MYT1: variants seen among roughly 807,000 people sequenced by gnomAD.
MYT1 encodes myelin transcription factor 1.
Under a neutral mutation model 123.0 loss-of-function variants are expected in MYT1, and 23 were observed. That is an observed-to-expected ratio of 0.19 (90% CI 0.13 to 0.26). The LOEUF (loss-of-function observed/expected upper bound fraction) is 0.26. MYT1 is among the 10% of genes least tolerant of loss of function. The pLI is 1.00. For synonymous variants in MYT1, 518 were observed against 575.3 expected (o/e 0.90, Z 1.43); for missense variants, 1,125 against 1,472.5 (o/e 0.76, Z 3.86).
At chr20:64,194,471 C>T (rs773919907) in intron 2 of MYT1, among the ~76,000 whole-genome samples, 2 of 152,238 alleles carry the variant, frequency 1.3e-5, no homozygotes, top group Non-Finnish European at 2.9e-5. Context: ...TGGTGCCCCT[C>T]AGGGCCAGAA....
In MYT1 at chr20:64,192,082, C is replaced by A. The variant is rs979146956; in HGVS notation, c.-1+1922C>A. 6.6e-6 allele frequency among the ~76,000 whole-genome samples: 1 copy of A among 152,134 alleles called. No homozygotes were observed. Among genetic ancestry groups the A allele is most frequent in the Non-Finnish European group, 1.5e-5 (1 of 68,030 alleles). On this transcript the variant is annotated intron_variant, in intron 2 of 22. Coordinates refer to ENST00000328439, the MANE Select transcript of MYT1 (RefSeq NM_004535.3). This position sits in a 1 kb window ranked among gnomAD's most constrained non-coding sequence, Gnocchi z 5.3. ...GACTTTTGTCTCCCCCTGGCCCAGA[C>A]ATGACAAACTCAGAGAGTTTGGGAC...
chr20:64,169,786 GC>G (rs1165731282), intron 1 of MYT1, among the ~76,000 whole-genome samples: 12 of 152,180 alleles, frequency 7.9e-5, no homozygotes, highest in African/African-American at 2.9e-4. Flanking sequence ...GTCGTAAGGG[GC>G]AGAGAAACAC....
chr20:64,200,019 A>G (rs1983246289), intron 4 of MYT1, 97 bp downstream of exon 4: 5 of 1,437,846 alleles, frequency 3.5e-6, no homozygotes, highest in Non-Finnish European at 4.9e-6. Context: ...TGGATTGACC[A>G]AACACCCCTG....
At chr20:64,234,065 C>T (rs1984424002) in intron 19 of MYT1, among the ~76,000 whole-genome samples, 1 of 152,222 alleles carries the variant, frequency 6.6e-6, no homozygotes, top group Non-Finnish European at 1.5e-5. Flanking sequence ...GAGACTACTG[C>T]AGCCGGGGTC....
At position 64,222,016 on chromosome 20, in the gene MYT1, C is replaced by A; in HGVS notation, c.2365C>A (p.Leu789Ile). 3.1e-6 allele frequency: 5 copies of A among 1,613,200 alleles called. No individual in the cohort carries two copies. The highest frequency in any genetic ancestry group is 4.2e-6 in the Non-Finnish European group (5 of 1,180,010). Residue 789 changes from leucine (L) to isoleucine (I), a missense_variant, in exon 14 of 23, where the codon CTC (leucine) becomes ATC (isoleucine). This residue lies in a region of MYT1 where 429 missense variants were observed against 604.1 expected (regional missense o/e 0.71). Transcript: ENST00000328439. ...CCTGACCAACTTTAAGCTGAAGTTTCTCTCCAAGGACATAAAGAAGGAGCT... is the reference window on the plus strand; with the variant it reads ...CCTGACCAACTTTAAGCTGAAGTTTATCTCCAAGGACATAAAGAAGGAGCT... ...VTLTNFKLKF[L>I]SKDIKKELLT... is the part of the protein sequence containing the mutation.
In MYT1 at chr20:64,218,782, G is replaced by A; in HGVS notation, c.1847-129G>A. On this transcript the variant is annotated intron_variant, in intron 11 of 22. Coordinates refer to ENST00000328439, the MANE Select transcript of MYT1 (RefSeq NM_004535.3). The surrounding 1 kb of genome is among the most constrained non-coding windows in gnomAD (Gnocchi z 4.0). ...TCCCCACTGACTTGTCTGCATTGCT[G>A]CCTCTTTTCAAGTTGTATATCAGCC... The A allele has an allele frequency of 1.6e-6, 2 of 1,249,622 alleles. No individual in the cohort carries two copies. Among genetic ancestry groups the A allele is most frequent in the South Asian group, 1.2e-5 (1 of 82,056 alleles). 77.4% of individuals were successfully genotyped at this position (1,249,622 alleles called of 1,614,324 possible). A position where few individuals can be genotyped will look rare whatever the true frequency, so the allele number is the denominator to read the frequency against.
Position 64,239,751 on chromosome 20 carries a change from C to G in MYT1, c.3094-9C>G. 6.2e-7 allele frequency: 1 copy of G among 1,613,768 alleles called. No individual in the cohort carries two copies. The highest frequency in any genetic ancestry group is 8.5e-7 in the Non-Finnish European group (1 of 1,179,912). Reference sequence around the variant, plus strand: ...GGCAGGCGGCACTTCGAATCTCTCTCTGGCACAGATCTCCTCCATGGAGAA... The same window carrying G: ...GGCAGGCGGCACTTCGAATCTCTCTGTGGCACAGATCTCCTCCATGGAGAA... On this transcript the variant is annotated splice_polypyrimidine_tract_variant and intron_variant, in intron 21 of 22. Transcript: ENST00000328439.
chr20:64,227,803 G>A (rs1984211890), intron 17 of MYT1, 85 bp from the exon 18 acceptor site: 2 of 1,129,006 alleles, frequency 1.8e-6, no homozygotes, highest in Non-Finnish European at 2.6e-6. Context: ...GGGTCACAGA[G>A]CTTGAGGGGA....
intron 18 of MYT1, among the ~76,000 whole-genome samples, chr20:64,228,348 A>G (rs1984229660): frequency 6.6e-6 from 1 of 152,190 alleles, no homozygotes; most frequent in Non-Finnish European, 1.5e-5. Context: ...GAGATGCAGG[A>G]GTCAAGGAGG....
At position 64,237,290 on chromosome 20, in the gene MYT1, T is replaced by G; in HGVS notation, c.2993T>G (p.Leu998Trp). Residue 998 changes from leucine to tryptophan, a missense_variant, in exon 21 of 23, where the codon TTG becomes TGG. Leu to Trp is a moderately conservative substitution (Grantham distance 61, BLOSUM62 -2). This residue lies in a region of MYT1 where 243 missense variants were observed against 323.1 expected (regional missense o/e 0.75). Coordinates refer to ENST00000328439, the MANE Select transcript of MYT1 (RefSeq NM_004535.3). ...LSPKFKTSDV[L>W]ENDEEIKQLN... ...CTGAGGTTTCTCTCTGGGTCAGTGTTGGAGAATGATGAGGAGATCAAGCAG... is the reference window on the plus strand; with the variant it reads ...CTGAGGTTTCTCTCTGGGTCAGTGTGGGAGAATGATGAGGAGATCAAGCAG... The G allele has an allele frequency of 6.2e-7, 1 of 1,610,496 alleles. No homozygotes were observed. The highest frequency in any genetic ancestry group is 2.2e-5 in the East Asian group (1 of 44,804).
At position 64,195,394 on chromosome 20, in the gene MYT1, GTGTA is replaced by G. The variant is rs1183602619; in HGVS notation, c.1-3466_1-3463del. Among the ~76,000 whole-genome samples, 52 of 18,378 alleles carry G rather than the reference GTGTA, an allele frequency of 2.8e-3. 2 individuals are homozygous for G. The highest frequency in any genetic ancestry group is 3.7e-3 in the Non-Finnish European group (40 of 10,764). 12.1% of individuals were successfully genotyped at this position (18,378 alleles called of 152,430 possible). A position where few individuals can be genotyped will look rare whatever the true frequency, so the allele number is the denominator to read the frequency against. ...TGTGTGTGTGTGTGTGTGTGTGTGT[GTGTA>G]TACTTTTTTTTTTTTGAGACGGAGT... On this transcript the variant is annotated intron_variant, in intron 2 of 22. Transcript: ENST00000328439.
Position 64,211,229 on chromosome 20 carries a change from G to C in MYT1, c.1315G>C (p.Glu439Gln). 1 of 1,613,808 alleles carries C rather than the reference G, an allele frequency of 6.2e-7. No individual in the cohort carries two copies. The highest frequency in any genetic ancestry group is 8.5e-7 in the Non-Finnish European group (1 of 1,179,764). The change falls in exon 8 of 23, where the codon GAG (glutamate) becomes CAG (glutamine). Residue 439 changes from glutamate (E) to glutamine (Q), a missense_variant. By Grantham distance (29) the Glu-to-Gln change is conservative. Coordinates refer to ENST00000328439, the MANE Select transcript of MYT1 (RefSeq NM_004535.3). ...SKDPSRAEKR[E>Q]IKCPTPGCDG... is the part of the protein sequence containing the mutation. ...AGATCCTTCAAGAGCTGAGAAGCGT[G>C]AGATCAAGTGTCCAACACCAGGCTG...
intron 16 of MYT1, among the ~76,000 whole-genome samples, chr20:64,224,784 G>A (rs902583461): frequency 5.3e-5 from 8 of 152,086 alleles, no homozygotes; most frequent in African/African-American, 1.9e-4. Context: ...TAGTCTCCAT[G>A]GTTTTTCCCA....
chr20:64,229,006 C>T lies in MYT1; in HGVS notation c.2675+1035C>T, dbSNP rs149655301. 6.0e-3 allele frequency among the ~76,000 whole-genome samples: 913 copies of T among 152,342 alleles called. 8 individuals are homozygous for T. The highest frequency in any genetic ancestry group is 0.021 in the African/African-American group (853 of 41,576). On this transcript the variant is annotated intron_variant, in intron 18 of 22. Coordinates refer to ENST00000328439, the MANE Select transcript of MYT1 (RefSeq NM_004535.3). ...CAACTTGGCCTGAGATTGGGTTGCT[C>T]CTCCTGGTAGTTTGCTCCAGCTGTG...
chr20:64,178,551 C>T (rs1982539676), intron 1 of MYT1, among the ~76,000 whole-genome samples: 2 of 151,812 alleles, frequency 1.3e-5, no homozygotes, highest in Non-Finnish European at 2.9e-5. Context: ...AACGTGGGAG[C>T]ACTGAGCCGT....
intron 2 of MYT1, 107 bp from the exon 3 acceptor site, chr20:64,198,755 T>C (rs1322914233): frequency 8.2e-7 from 1 of 1,224,914 alleles, no homozygotes; most frequent in East Asian, 2.4e-5. Flanking sequence ...AAAATCACCT[T>C]TGCTGTCAAA....
intron 13 of MYT1, among the ~76,000 whole-genome samples, chr20:64,221,539 C>T (rs1984000994): frequency 6.6e-6 from 1 of 152,238 alleles, no homozygotes; most frequent in African/African-American, 2.4e-5. Flanking sequence ...TATTGAGTGC[C>T]ATCCCTGGCT....
chr20:64,214,122 A>G (rs1485189827), intron 10 of MYT1, among the ~76,000 whole-genome samples: 3 of 152,200 alleles, frequency 2.0e-5, no homozygotes, highest in African/African-American at 7.2e-5. Flanking sequence ...GATAGACCCC[A>G]AGTCAAGGAA....
chr20:64,195,362 G>C (rs1399576754), intron 2 of MYT1, among the ~76,000 whole-genome samples: 25 of 91,076 alleles, frequency 2.7e-4, no homozygotes, highest in Non-Finnish European at 4.8e-4. Flanking sequence ...AACTGTGTGT[G>C]TGTGTGTGTG....
Sources: allele counts gnomAD v4.1 joint callset (sites outside exome capture counted in the v4.1 genomes callset), GRCh38; gene constraint gnomAD v4.1.1; regional missense constraint gnomAD v4.1.1; non-coding constraint Gnocchi (gnomAD v3.1); transcripts MANE v1.5; gene names NCBI Gene and HGNC (gene_info 2026-07-23, HGNC 2026-07-21).